ERCC8: variants seen among roughly 807,000 people sequenced by gnomAD.
ERCC8 encodes ERCC excision repair 8, CSA ubiquitin ligase complex subunit, also known as DNA excision repair protein ERCC-8.
In ERCC8, 52 loss-of-function variants were observed where a neutral mutation model predicts 54.9. That is an observed-to-expected ratio of 0.95 (90% CI 0.76 to 1.19). The LOEUF (loss-of-function observed/expected upper bound fraction) is 1.19. Ranked by LOEUF, ERCC8 falls within the 50% of genes most tolerant of loss-of-function variation. The pLI, the probability that ERCC8 is intolerant of heterozygous loss-of-function variation, is 0.00. For missense variants in ERCC8, 514 were observed against 466.1 expected (o/e 1.10, Z -0.95); for synonymous variants, 146 against 157.2 (o/e 0.93, Z 0.53).
At chr5:60,915,719 T>G (rs1313049591) in intron 4 of ERCC8, among the ~76,000 whole-genome samples, 1 of 151,938 alleles carries the variant, frequency 6.6e-6, no homozygotes, top group African/African-American at 2.4e-5. Context: ...CTCTGGCCAT[T>G]CTCCCAGTCA....
intron 1 of ERCC8, among the ~76,000 whole-genome samples, chr5:60,938,083 A>AT (rs1561519143): frequency 1.1e-4 from 2 of 18,082 alleles, no homozygotes; most frequent in African/African-American, 3.8e-4. Flanking sequence ...ATATATATAT[A>AT]TATTTTATTT....
intron 10 of ERCC8, among the ~76,000 whole-genome samples, chr5:60,887,788 A>G (rs985473743): frequency 2.0e-5 from 3 of 152,220 alleles, no homozygotes; most frequent in East Asian, 1.9e-4. Flanking sequence ...AGTTTTATCA[A>G]TTATAGTATC....
chr5:60,884,647 C>T (rs74316631), intron 11 of ERCC8, among the ~76,000 whole-genome samples: 12,289 of 150,988 alleles, frequency 0.081, 547 homozygotes, highest in Middle Eastern at 0.096. Context: ...TATAAACATA[C>T]ATGTAAGGAA....
intron 11 of ERCC8, among the ~76,000 whole-genome samples, chr5:60,875,094 A>G (rs1307343734): frequency 6.6e-6 from 1 of 152,226 alleles, no homozygotes; most frequent in African/African-American, 2.4e-5. Flanking sequence ...CCAAAATATC[A>G]ATGGTGGCAA....
At chr5:60,877,233 G>A (rs1234571474) in intron 11 of ERCC8, among the ~76,000 whole-genome samples, 1 of 152,112 alleles carries the variant, frequency 6.6e-6, no homozygotes. Context: ...TGTTCCATTG[G>A]TCTATATCTC....
In ERCC8 at chr5:60,918,331, G is replaced by T; in HGVS notation, c.333C>A (p.Asp111Glu). The T allele has an allele frequency of 6.3e-7, 1 of 1,597,096 alleles. No homozygotes were observed. The highest frequency in any genetic ancestry group is 8.6e-7 in the Non-Finnish European group (1 of 1,164,920). The change falls in exon 4 of 12, where the codon GAC (aspartate) becomes GAA (glutamate). Residue 111 changes from aspartate (D) to glutamate (E), a missense_variant. Physicochemically the swap from Asp to Glu is conservative, Grantham distance 45 (BLOSUM62 2). Coordinates refer to ENST00000676185, the MANE Select transcript of ERCC8 (RefSeq NM_000082.4). The stretch of plus-strand genomic sequence containing the variant: ...ATGAGCTTGATGTGAACATGCCAGT[G>T]TCATGAGGATACCACTGTACAGTCT... ...SVETVQWYPH[D>E]TGMFTSSSFD...
intron 4 of ERCC8, among the ~76,000 whole-genome samples, chr5:60,914,713 G>A (rs77413246): frequency 0.02 from 2,997 of 150,704 alleles, 126 homozygotes; most frequent in African/African-American, 0.069. Flanking sequence ...CCTTGAGCCC[G>A]GAGTTTGAGG....
chr5:60,903,585 A>G (rs1748962984), intron 6 of ERCC8, 63 bp downstream of exon 6: 10 of 1,605,112 alleles, frequency 6.2e-6, no homozygotes, highest in African/African-American at 1.3e-5. Context: ...CACTGTTAGT[A>G]ACGTTTCTTT....
At chr5:60,918,427 T>C (rs372406262) in intron 3 of ERCC8, 39 bp from the exon 4 acceptor site, 63 of 1,584,772 alleles carry the variant, frequency 4.0e-5, no homozygotes, top group Non-Finnish European at 3.7e-5. Context: ...AACTGACTTA[T>C]GTGAGTTTCA....
chr5:60,889,801 G>A (rs1748496286), intron 10 of ERCC8, among the ~76,000 whole-genome samples: 1 of 152,094 alleles, frequency 6.6e-6, no homozygotes, highest in Non-Finnish European at 1.5e-5. Context: ...TGCAGGTTAG[G>A]GGCAAGTCAC....
chr5:60,931,700 C>T (rs1336169770), intron 1 of ERCC8, among the ~76,000 whole-genome samples: 1 of 151,974 alleles, frequency 6.6e-6, no homozygotes, highest in East Asian at 1.9e-4. Flanking sequence ...TCATATTTTT[C>T]CATTGAAATT....
chr5:60,882,005 C>A (rs1748249884), intron 11 of ERCC8, among the ~76,000 whole-genome samples: 1 of 152,024 alleles, frequency 6.6e-6, no homozygotes, highest in South Asian at 2.1e-4. Context: ...TTGGCTCCAC[C>A]TAGTTTTTTG....
In ERCC8 at chr5:60,882,662, C is replaced by T. The variant is rs570136549; in HGVS notation, c.1122+4778G>A. 1.1e-4 allele frequency among the ~76,000 whole-genome samples: 17 copies of T among 152,280 alleles called. No individual in the cohort carries two copies. In the South Asian group the frequency reaches 1.9e-3, roughly 17 times the overall value. ...TTGGCCTCCCAAAGTGCTGGGATTA[C>T]AGGCGTGAGCCACCACTCCTGGGCA... On this transcript the variant is annotated intron_variant, in intron 11 of 11. Transcript: ENST00000676185.
chr5:60,899,044 TG>T (rs1392951376), intron 8 of ERCC8, among the ~76,000 whole-genome samples: 1 of 148,610 alleles, frequency 6.7e-6, no homozygotes, highest in South Asian at 2.1e-4. Context: ...ACTTTGTGAT[TG>T]TTTTATATAG....
intron 11 of ERCC8, among the ~76,000 whole-genome samples, chr5:60,875,892 TC>T (rs1373134937): frequency 1.8e-5 from 2 of 114,170 alleles, no homozygotes; most frequent in African/African-American, 9.5e-5. Flanking sequence ...ATTTATTTTT[TC>T]TTTTTTTTAT....
intron 2 of ERCC8, among the ~76,000 whole-genome samples, chr5:60,928,525 C>T (rs76614815): frequency 1.4e-4 from 21 of 151,994 alleles, no homozygotes; most frequent in Non-Finnish European, 7.4e-5. Context: ...TTTATTTTAC[C>T]ATTAGACTTT....
At position 60,874,224 on chromosome 5, in the gene ERCC8, G is replaced by GTTT. The variant is rs1178719965; in HGVS notation, c.*390_*391insAAA. 11 of 162,024 alleles carry GTTT rather than the reference G, an allele frequency of 6.8e-5. No individual in the cohort carries two copies. The highest frequency in any genetic ancestry group is 2.4e-4 in the African/African-American group (10 of 41,788). The allele number at this position is 162,024 out of a possible 1,614,324, so 10.0% of individuals were successfully genotyped here. A position where few individuals can be genotyped will look rare whatever the true frequency, so the allele number is the denominator to read the frequency against. On this transcript the variant is annotated 3_prime_UTR_variant, in exon 12 of 12. Coordinates refer to ENST00000676185, the MANE Select transcript of ERCC8 (RefSeq NM_000082.4). ...ATTCTTGGCAAAATCATTCTTAAAG[G>GTTT]TGGAAACGAGCAGGCTGATAGTACA... is the stretch of plus-strand genomic sequence containing the variant.
intron 2 of ERCC8, among the ~76,000 whole-genome samples, chr5:60,928,564 A>G (rs943475402): frequency 1.4e-4 from 22 of 152,224 alleles, no homozygotes; most frequent in African/African-American, 5.1e-4. Context: ...GTTTTAAAAT[A>G]GCACCTAAAG....
intron 1 of ERCC8, among the ~76,000 whole-genome samples, chr5:60,934,880 T>C (rs1580048619): frequency 6.6e-6 from 1 of 152,192 alleles, no homozygotes; most frequent in African/African-American, 2.4e-5. Context: ...CTGTAAGTAT[T>C]TGGCTCTACT....
Sources: allele counts gnomAD v4.1 joint callset (sites outside exome capture counted in the v4.1 genomes callset), GRCh38; gene constraint gnomAD v4.1.1; transcripts MANE v1.5; gene names NCBI Gene and HGNC (gene_info 2026-07-23, HGNC 2026-07-21).